Variants in MACROD1 observed in about 807,000 individuals in gnomAD.
The protein encoded by MACROD1 is mono-ADP ribosylhydrolase 1.
A neutral mutation model predicts 41.4 loss-of-function variants in MACROD1; 31 were observed. The observed-to-expected ratio is 0.75, with a 90% CI of 0.56 to 1.01. The LOEUF is 1.01. Among genes scored for constraint, MACROD1 ranks in the 50% least tolerant of loss-of-function variants. The pLI is 0.00. For synonymous variants in MACROD1, 252 were observed against 203.4 expected (o/e 1.24, Z -2.03); for missense variants, 473 against 460.0 (o/e 1.03, Z -0.26).
intron 3 of MACROD1, among the ~76,000 whole-genome samples, chr11:64,030,085 A>T (rs1233865751): frequency 6.6e-6 from 1 of 151,996 alleles, no homozygotes; most frequent in Non-Finnish European, 1.5e-5. Context: ...GCCTTTGCCC[A>T]GGCCTGCGTT....
chr11:64,006,405 T>C (rs1942914630), intron 4 of MACROD1, among the ~76,000 whole-genome samples: 1 of 152,124 alleles, frequency 6.6e-6, no homozygotes, highest in Non-Finnish European at 1.5e-5. Flanking sequence ...GCAGAGCCCA[T>C]CCTCACCAGG....
intron 4 of MACROD1, among the ~76,000 whole-genome samples, chr11:64,007,697 GAAGCAC>G (rs1942936375): frequency 6.6e-6 from 1 of 152,252 alleles, no homozygotes; most frequent in African/African-American, 2.4e-5. Context: ...CTTCTATGCT[GAAGCAC>G]AGCCCCCTCC....
Position 64,119,932 on chromosome 11 carries a change from G to A in MACROD1, c.517+31307C>T, listed in dbSNP as rs76186445. On this transcript the variant is annotated intron_variant, in intron 3 of 10. Transcript: ENST00000255681. ...CTGCGTCCCAGTACTCAGGGAGCCC[G>A]GGTCACCATCTGTCACTGTGCCGCT... 1.5e-3 allele frequency among the ~76,000 whole-genome samples: 225 copies of A among 152,080 alleles called. 2 individuals carry two copies. In the East Asian group the frequency reaches 0.035, roughly 24 times the overall value.
chr11:64,105,457 GA>G (rs1286406300), intron 3 of MACROD1, among the ~76,000 whole-genome samples: 3 of 152,200 alleles, frequency 2.0e-5, no homozygotes, highest in Admixed American at 2.0e-4. Flanking sequence ...TGTGACCTTG[GA>G]CAGGTCTGCC....
At chr11:64,077,785 CTGGCTGGGCCT>C (rs1944230218) in intron 3 of MACROD1, among the ~76,000 whole-genome samples, 1 of 152,238 alleles carries the variant, frequency 6.6e-6, no homozygotes, top group African/African-American at 2.4e-5. Flanking sequence ...GGACTGGGCC[CTGGCTGGGCCT>C]CCGGCCGCCG....
intron 1 of MACROD1, among the ~76,000 whole-genome samples, chr11:64,153,278 G>T (rs1345685286): frequency 6.6e-6 from 1 of 152,316 alleles, no homozygotes; most frequent in African/African-American, 2.4e-5. Context: ...ACACCCAGGC[G>T]CTCAGCCCAG....
intron 3 of MACROD1, among the ~76,000 whole-genome samples, chr11:64,032,289 T>TA (rs1022398053): frequency 2.6e-5 from 4 of 152,208 alleles, no homozygotes; most frequent in African/African-American, 9.7e-5. Flanking sequence ...CGAAGCACTT[T>TA]CCTCCTGGGA....
chr11:64,022,703 C>T (rs887131008), intron 3 of MACROD1, among the ~76,000 whole-genome samples: 1 of 152,140 alleles, frequency 6.6e-6, no homozygotes, highest in African/African-American at 2.4e-5. Context: ...CTCTGTCCCC[C>T]CAGGCCAAGG....
chr11:64,146,442 G>C lies in MACROD1; in HGVS notation c.517+4797C>G, dbSNP rs1945496796. 6.6e-6 allele frequency among the ~76,000 whole-genome samples: 1 copy of C among 152,186 alleles called. No individual in the cohort carries two copies. Among genetic ancestry groups the C allele is most frequent in the Non-Finnish European group, 1.5e-5 (1 of 68,022 alleles). On this transcript the variant is annotated intron_variant, in intron 3 of 10. Transcript: ENST00000255681. The surrounding 1 kb of genome is among the most constrained non-coding windows in gnomAD (Gnocchi z 4.7). ...ATTAAGACGGATGCGCCATGCTCCT[G>C]TGGGCAGGAGCCGTGGCCGACACAG...
chr11:63,998,593 C>A lies in MACROD1; in HGVS notation c.*125G>T. On this transcript the variant is annotated 3_prime_UTR_variant, in exon 11 of 11. Transcript: ENST00000255681. ...AGATCTTTATTAGGCTCCTCGGGGG[C>A]GGGGCGCGGAGGGAAAGAAGGGGTG... is the stretch of plus-strand genomic sequence containing the variant. The A allele has an allele frequency of 1.6e-6, 2 of 1,265,276 alleles. No homozygotes were observed. 78.4% of individuals were successfully genotyped at this position (1,265,276 alleles called of 1,614,324 possible).
intron 3 of MACROD1, among the ~76,000 whole-genome samples, chr11:64,093,445 C>T (rs902871379): frequency 1.3e-5 from 2 of 152,242 alleles, no homozygotes; most frequent in Non-Finnish European, 2.9e-5. Flanking sequence ...GCATGCTCAC[C>T]GCTGCCTGGC....
intron 3 of MACROD1, among the ~76,000 whole-genome samples, chr11:64,121,835 T>TA (rs898216916): frequency 6.6e-6 from 1 of 152,222 alleles, no homozygotes; most frequent in African/African-American, 2.4e-5. Context: ...TTGTGGCATT[T>TA]AAGGCAGGTT....
chr11:64,131,846 T>C (rs1476747243), intron 3 of MACROD1, among the ~76,000 whole-genome samples: 1 of 152,070 alleles, frequency 6.6e-6, no homozygotes. Context: ...TTGTGGTTGG[T>C]TGATGAAAAT....
chr11:64,091,497 G>A (rs1944489708), intron 3 of MACROD1, among the ~76,000 whole-genome samples: 2 of 150,702 alleles, frequency 1.3e-5, no homozygotes, highest in African/African-American at 2.4e-5. Context: ...TGAGGCTGGG[G>A]TGGGGTTGGG....
intron 3 of MACROD1, among the ~76,000 whole-genome samples, chr11:64,059,254 G>A (rs1159129146): frequency 1.3e-5 from 2 of 152,204 alleles, no homozygotes; most frequent in African/African-American, 2.4e-5. Context: ...GGAAAGGGGA[G>A]AAGCAGGTGA....
chr11:64,133,999 G>A (rs575633780), intron 3 of MACROD1, among the ~76,000 whole-genome samples: 2 of 152,364 alleles, frequency 1.3e-5, no homozygotes, highest in South Asian at 4.1e-4. Flanking sequence ...CCCAGGCAAA[G>A]GCCAGGAGCA....
In MACROD1 at chr11:64,066,920, C is replaced by T. The variant is rs1020668705; in HGVS notation, c.518-51639G>A. On this transcript the variant is annotated intron_variant, in intron 3 of 10. Transcript: ENST00000255681. Reference sequence around the variant, plus strand: ...GCTCAGGCTATAGCTCCGGAGCCCACGCCCCAGCCCAGGTGCTGCCCGCCC... The same window carrying T: ...GCTCAGGCTATAGCTCCGGAGCCCATGCCCCAGCCCAGGTGCTGCCCGCCC... 3.9e-5 allele frequency among the ~76,000 whole-genome samples: 6 copies of T among 152,338 alleles called. No individual in the cohort carries two copies. The South Asian group carries it at 8.3e-4, about 21-fold the overall frequency.
At chr11:64,154,281 A>AT (rs1251746505) in intron 1 of MACROD1, among the ~76,000 whole-genome samples, 2 of 151,962 alleles carry the variant, frequency 1.3e-5, no homozygotes, top group African/African-American at 2.4e-5. Flanking sequence ...CCAAAACGTC[A>AT]TTTTTTTGTT....
intron 4 of MACROD1, chr11:64,001,940 C>T (rs1271584161): frequency 1.7e-6 from 1 of 599,742 alleles, no homozygotes; most frequent in African/African-American, 1.9e-5. Context: ...CTCAGTTGCT[C>T]CATCTGGAAA....
Sources: allele counts gnomAD v4.1 joint callset (sites outside exome capture counted in the v4.1 genomes callset), GRCh38; gene constraint gnomAD v4.1.1; non-coding constraint Gnocchi (gnomAD v3.1); transcripts MANE v1.5; gene names NCBI Gene and HGNC (gene_info 2026-07-23, HGNC 2026-07-21).